ARHGAP24: variants seen among roughly 807,000 people sequenced by gnomAD.
The protein encoded by ARHGAP24 is rho GTPase-activating protein 24.
A neutral mutation model predicts 76.4 loss-of-function variants in ARHGAP24; 50 were observed. The observed-to-expected ratio is 0.65, with a 90% confidence interval of 0.52 to 0.83. ARHGAP24 has a LOEUF of 0.83. ARHGAP24 is among the 40% of genes least tolerant of loss of function. ARHGAP24 has a pLI of 0.00. For synonymous variants in ARHGAP24, 345 were observed against 323.3 expected, an observed-to-expected ratio of 1.07 and a Z score of -0.72; for missense variants, 930 against 914.2, an observed-to-expected ratio of 1.02 and a Z score of -0.22.
chr4:85,983,482 A>T (rs770610985), intron 8 of ARHGAP24, among the ~76,000 whole-genome samples: 4 of 152,086 alleles, frequency 2.6e-5, no homozygotes, highest in Non-Finnish European at 5.9e-5. Flanking sequence ...CTGGCATGAG[A>T]TGGCATCTCA....
rs111976145 is a variant in ARHGAP24 at position 85,881,427 on chromosome 4, G to T, written c.269-42221G>T. ...TATTCATTATTTTTTAAAAAGATAC[G>T]GTTGAGGAAGAATAGATTGTACAGG... is the stretch of plus-strand genomic sequence containing the variant. On this transcript the variant is annotated intron_variant, in intron 3 of 9. Coordinates refer to ENST00000395184, the MANE Select transcript of ARHGAP24 (RefSeq NM_001025616.3). 2.0e-5 allele frequency among the ~76,000 whole-genome samples: 3 copies of T among 150,950 alleles called. No individual in the cohort carries two copies. The South Asian group carries it at 6.3e-4, about 32-fold the overall frequency.
chr4:85,919,302 A>G (rs1560717483), intron 3 of ARHGAP24, among the ~76,000 whole-genome samples: 1 of 152,220 alleles, frequency 6.6e-6, no homozygotes, highest in Non-Finnish European at 1.5e-5. Context: ...AGTTATTTTT[A>G]AGCCCCTTCA....
chr4:85,894,432 T>C (rs372227379), intron 3 of ARHGAP24, among the ~76,000 whole-genome samples: 110 of 152,238 alleles, frequency 7.2e-4, no homozygotes, highest in Non-Finnish European at 1.2e-3. Context: ...AAAAGGTGTA[T>C]AGTCAACTCT....
At chr4:85,479,204 AC>A (rs766546607) in intron 1 of ARHGAP24, among the ~76,000 whole-genome samples, 4 of 151,782 alleles carry the variant, frequency 2.6e-5, no homozygotes, top group Non-Finnish European at 5.9e-5. Context: ...TTTCCATACC[AC>A]CCCACACATG....
At position 85,642,801 on chromosome 4, in the gene ARHGAP24, A is replaced by T. The variant is rs1721574739; in HGVS notation, c.180+72080A>T. ...CATTTTTAACATAATGGACAGAGTG[A>T]TTCTTGTAAAACTTGTCAGATCATG... On this transcript the variant is annotated intron_variant, in intron 2 of 9. Transcript: ENST00000395184. Among the ~76,000 whole-genome samples the T allele has an allele frequency of 2.0e-5, 3 of 152,120 alleles. No individual in the cohort carries two copies. In the South Asian group the frequency reaches 6.2e-4, roughly 32 times the overall value.
intron 3 of ARHGAP24, 96 bp from the exon 4 acceptor site, chr4:85,923,552 A>G (rs769665993): frequency 1.2e-5 from 19 of 1,551,804 alleles, no homozygotes; most frequent in Admixed American, 1.7e-5. Context: ...TGCGGGCTGT[A>G]TTAGGCACAG....
At chr4:85,997,311 AGATAGATAGATAGAT>A (rs1740719163) in intron 9 of ARHGAP24, among the ~76,000 whole-genome samples, 2 of 144,718 alleles carry the variant, frequency 1.4e-5, no homozygotes, top group South Asian at 2.4e-4. Flanking sequence ...GGTAGATGAT[AGATAGATAGATAGAT>A]GATAGATAGA....
intron 2 of ARHGAP24, among the ~76,000 whole-genome samples, chr4:85,650,245 C>T (rs746074820): frequency 3.6e-5 from 5 of 140,634 alleles, no homozygotes; most frequent in Non-Finnish European, 7.4e-5. Context: ...AAGTGAGAAG[C>T]CAGGTCTTGG....
intron 1 of ARHGAP24, among the ~76,000 whole-genome samples, chr4:85,547,172 C>G (rs970250030): frequency 6.6e-6 from 1 of 152,178 alleles, no homozygotes; most frequent in Admixed American, 6.5e-5. Context: ...GATCCAAGCC[C>G]AAATCAAGCA....
At chr4:85,802,677 G>A (rs72976749) in intron 3 of ARHGAP24, among the ~76,000 whole-genome samples, 12,074 of 152,172 alleles carry the variant, frequency 0.079, 942 homozygotes, top group East Asian at 0.43. Context: ...TGTAATCCCC[G>A]CTACTCGGGA....
intron 3 of ARHGAP24, among the ~76,000 whole-genome samples, chr4:85,731,975 G>A (rs1222535363): frequency 6.6e-6 from 1 of 152,130 alleles, no homozygotes; most frequent in Non-Finnish European, 1.5e-5. Context: ...GAAAACAGAA[G>A]CTATTTACAA....
intron 2 of ARHGAP24, among the ~76,000 whole-genome samples, chr4:85,680,810 A>G (rs1723177053): frequency 6.7e-6 from 1 of 149,618 alleles, no homozygotes. Context: ...AATATATAAT[A>G]AAGCACTACA....
At chr4:85,647,880 C>A (rs529501354) in intron 2 of ARHGAP24, among the ~76,000 whole-genome samples, 1 of 152,196 alleles carries the variant, frequency 6.6e-6, no homozygotes, top group South Asian at 2.1e-4. Context: ...ATCTGTTGTA[C>A]TAAACATTTT....
intron 3 of ARHGAP24, among the ~76,000 whole-genome samples, chr4:85,761,955 A>G (rs1227521951): frequency 6.6e-6 from 1 of 152,162 alleles, no homozygotes; most frequent in Non-Finnish European, 1.5e-5. Flanking sequence ...CAACAGTCCT[A>G]TTTTGTTTCT....
chr4:85,689,183 G>A (rs930138317), intron 2 of ARHGAP24, among the ~76,000 whole-genome samples: 5 of 152,030 alleles, frequency 3.3e-5, no homozygotes, highest in Non-Finnish European at 4.4e-5. Context: ...CCATCAGCAT[G>A]GTTTATTCTT....
chr4:85,915,736 C>A (rs1735349818), intron 3 of ARHGAP24, among the ~76,000 whole-genome samples: 1 of 152,162 alleles, frequency 6.6e-6, no homozygotes, highest in Non-Finnish European at 1.5e-5. Flanking sequence ...TAGGTCCCTG[C>A]AAAGGAAATG....
intron 1 of ARHGAP24, among the ~76,000 whole-genome samples, chr4:85,496,182 G>A (rs1218728989): frequency 3.3e-5 from 5 of 152,122 alleles, no homozygotes; most frequent in Admixed American, 6.5e-5. Context: ...TAGAGTTACC[G>A]GGAACCATGA....
chr4:85,730,986 GCACACACACACACACACACA>G (rs200255967), intron 3 of ARHGAP24, among the ~76,000 whole-genome samples: 1 of 133,820 alleles, frequency 7.5e-6, no homozygotes, highest in Non-Finnish European at 1.6e-5. Flanking sequence ...TAATATAACT[GCACACACACACACACACACA>G]CACACACACA....
chr4:85,565,961 A>G (rs1015006397), intron 1 of ARHGAP24, among the ~76,000 whole-genome samples: 2 of 152,204 alleles, frequency 1.3e-5, no homozygotes, highest in Admixed American at 6.5e-5. Flanking sequence ...GTTGCAACAA[A>G]GAACCATACA....
Sources: allele counts gnomAD v4.1 joint callset (sites outside exome capture counted in the v4.1 genomes callset), GRCh38; gene constraint gnomAD v4.1.1; transcripts MANE v1.5; gene names NCBI Gene and HGNC (gene_info 2026-07-23, HGNC 2026-07-21).